The following PLCB1 variants were observed in gnomAD, a reference collection of about 807,000 sequenced individuals.
PLCB1 encodes the protein 1-phosphatidylinositol 4,5-bisphosphate phosphodiesterase beta-1.
Under a neutral mutation model 161.8 loss-of-function variants are expected in PLCB1, and 46 were observed. That is an observed-to-expected ratio of 0.28 (90% CI 0.22 to 0.36). The LOEUF is 0.36. PLCB1 is among the 10% of genes least tolerant of loss of function. The pLI, the probability that PLCB1 is intolerant of heterozygous loss-of-function variation, is 1.00. For missense variants in PLCB1, 1,016 were observed against 1,472.5 expected (o/e 0.69, Z 5.07); for synonymous variants, 517 against 503.7 (o/e 1.03, Z -0.35).
chr20:8,678,286 T>TTTCAGA (rs1176758494), intron 9 of PLCB1, among the ~76,000 whole-genome samples: 1 of 152,192 alleles, frequency 6.6e-6, no homozygotes, highest in African/African-American at 2.4e-5. Flanking sequence ...TAAATTATAG[T>TTTCAGA]ATTACTGTCT....
chr20:8,526,349 A>T (rs1984586267), intron 3 of PLCB1, among the ~76,000 whole-genome samples: 1 of 152,098 alleles, frequency 6.6e-6, no homozygotes, highest in African/African-American at 2.4e-5. Flanking sequence ...TATCAAATAT[A>T]TCTAATTTGA....
chr20:8,769,858 T>A (rs539264167), intron 26 of PLCB1, among the ~76,000 whole-genome samples: 1 of 152,322 alleles, frequency 6.6e-6, no homozygotes, highest in East Asian at 1.9e-4. Context: ...TTTTTAGATT[T>A]ATATTGTGAC....
intron 24 of PLCB1, among the ~76,000 whole-genome samples, chr20:8,758,514 G>A (rs6118309): frequency 0.24 from 36,100 of 151,838 alleles, 4,956 homozygotes; most frequent in Non-Finnish European, 0.32. Context: ...CCCAGGAGGC[G>A]GAGGTGCAGT....
chr20:8,214,429 C>G (rs1046812162), intron 2 of PLCB1, among the ~76,000 whole-genome samples: 8 of 152,076 alleles, frequency 5.3e-5, no homozygotes, highest in African/African-American at 1.9e-4. Flanking sequence ...CATGCGAGAC[C>G]CCTCCTCCCC....
intron 3 of PLCB1, among the ~76,000 whole-genome samples, chr20:8,375,866 A>G (rs1372614455): frequency 6.6e-6 from 1 of 151,314 alleles, no homozygotes; most frequent in Non-Finnish European, 1.5e-5. Flanking sequence ...TCCACCTTAC[A>G]GATTGTAAAA....
intron 31 of PLCB1, among the ~76,000 whole-genome samples, chr20:8,818,875 A>T (rs1206998544): frequency 6.7e-6 from 1 of 150,352 alleles, no homozygotes; most frequent in Non-Finnish European, 1.5e-5. Flanking sequence ...CAGGAGGCGG[A>T]GGCTGCAGTG....
In PLCB1 at chr20:8,279,695, A is replaced by G. The variant is rs79151210; in HGVS notation, c.178-91687A>G. ...AGTGATGGAAATGAATACACTATAA[A>G]CGCACTCCACAGGTTGAATCTCTCA... On this transcript the variant is annotated intron_variant, in intron 2 of 31. Transcript: ENST00000338037. Among the ~76,000 whole-genome samples, 65 of 152,340 alleles carry G rather than the reference A, an allele frequency of 4.3e-4. 2 individuals carry two copies. In the East Asian group the frequency reaches 0.013, roughly 29 times the overall value.
At chr20:8,858,446 A>G (rs1000705908) in intron 31 of PLCB1, among the ~76,000 whole-genome samples, 1 of 152,238 alleles carries the variant, frequency 6.6e-6, no homozygotes, top group Non-Finnish European at 1.5e-5. Context: ...TTAAATTCCA[A>G]TGATAGGACA....
chr20:8,841,984 T>C (rs539354929), intron 31 of PLCB1, among the ~76,000 whole-genome samples: 69 of 152,324 alleles, frequency 4.5e-4, no homozygotes, highest in Non-Finnish European at 3.5e-4. Flanking sequence ...GACATTAACA[T>C]TGCCCAACCC....
intron 2 of PLCB1, among the ~76,000 whole-genome samples, chr20:8,212,088 A>G (rs1978856804): frequency 6.6e-6 from 1 of 152,060 alleles, no homozygotes; most frequent in Admixed American, 6.6e-5. Context: ...ATATATTTAT[A>G]TTTACTGAAC....
intron 3 of PLCB1, among the ~76,000 whole-genome samples, chr20:8,489,997 G>A (rs996458510): frequency 6.6e-6 from 1 of 151,986 alleles, no homozygotes; most frequent in Non-Finnish European, 1.5e-5. Flanking sequence ...TCATTTTTGG[G>A]GTAAGATAGA....
intron 2 of PLCB1, among the ~76,000 whole-genome samples, chr20:8,227,859 T>C (rs1468061321): frequency 6.6e-6 from 1 of 152,178 alleles, no homozygotes; most frequent in African/African-American, 2.4e-5. Flanking sequence ...AGATGACTTA[T>C]TGATGCATGG....
chr20:8,441,838 A>G (rs1600402918), intron 3 of PLCB1, among the ~76,000 whole-genome samples: 1 of 152,332 alleles, frequency 6.6e-6, no homozygotes, highest in South Asian at 2.1e-4. Context: ...TTAAATATCA[A>G]TCCAGGAGGA....
intron 3 of PLCB1, among the ~76,000 whole-genome samples, chr20:8,455,238 G>A (rs1981250263): frequency 6.7e-6 from 1 of 149,430 alleles, no homozygotes; most frequent in Non-Finnish European, 1.5e-5. Flanking sequence ...TGAGGGATGA[G>A]AATGGCTTGA....
chr20:8,515,010 A>G (rs2122863460), intron 3 of PLCB1, among the ~76,000 whole-genome samples: 1 of 152,336 alleles, frequency 6.6e-6, no homozygotes, highest in South Asian at 2.1e-4. Context: ...AAGGTCTTAG[A>G]TTAAAGTGGA....
chr20:8,689,467 G>C (rs1990426414), intron 10 of PLCB1, among the ~76,000 whole-genome samples: 1 of 152,134 alleles, frequency 6.6e-6, no homozygotes, highest in Non-Finnish European at 1.5e-5. Flanking sequence ...TCAGTATTAA[G>C]TTGGCTGTGG....
chr20:8,495,050 CT>C (rs1488674709), intron 3 of PLCB1, among the ~76,000 whole-genome samples: 1 of 150,830 alleles, frequency 6.6e-6, no homozygotes, highest in African/African-American at 2.4e-5. Flanking sequence ...AGTTTTAAAT[CT>C]TTTATGAAAA....
intron 2 of PLCB1, among the ~76,000 whole-genome samples, chr20:8,370,061 A>G (rs979309472): frequency 3.3e-5 from 5 of 152,190 alleles, no homozygotes; most frequent in Non-Finnish European, 5.9e-5. Context: ...CAGAGGTTCT[A>G]TTGGCAGCTG....
rs75093141 is a variant in PLCB1 at position 8,211,633 on chromosome 20, G to A, written c.177+61262G>A. Among the ~76,000 whole-genome samples, 844 of 152,200 alleles carry A rather than the reference G, an allele frequency of 5.5e-3. 6 individuals carry two copies. Among genetic ancestry groups the A allele is most frequent in the African/African-American group, 0.019 (792 of 41,550 alleles). On this transcript the variant is annotated intron_variant, in intron 2 of 31. Coordinates refer to ENST00000338037, the MANE Select transcript of PLCB1 (RefSeq NM_015192.4). ...CAGAATGATGGATATTGATGATGAA[G>A]TAAGATAGGAACATATAGACTGTGT...
Sources: gnomAD v4.1 joint callset for allele counts (sites outside exome capture counted in the v4.1 genomes callset) on GRCh38, gnomAD v4.1.1 for gene constraint, MANE v1.5 for transcripts, NCBI Gene and HGNC (gene_info 2026-07-23, HGNC 2026-07-21) for gene names.